ZNF506: variants seen among roughly 807,000 people sequenced by gnomAD.
ZNF506 encodes the protein zinc finger protein 506.
A neutral mutation model predicts 11.6 loss-of-function variants in ZNF506; 10 were observed. The ratio of observed to expected loss-of-function variants is 0.86; its 90% CI spans 0.53 to 1.46. ZNF506 has a LOEUF of 1.46. Ranked by LOEUF, ZNF506 falls within the 40% of genes most tolerant of loss-of-function variation. ZNF506 has a pLI of 0.00. For missense variants in ZNF506, 425 were observed against 521.2 expected (o/e 0.82, Z 1.80); for synonymous variants, 156 against 173.3 (o/e 0.90, Z 0.78).
At chr19:19,799,828 C>A (rs2062775107) in intron 3 of ZNF506, among the ~76,000 whole-genome samples, 1 of 141,036 alleles carries the variant, frequency 7.1e-6, no homozygotes, top group Admixed American at 7.2e-5. Context: ...ACAGCAAATC[C>A]AAAACTATAT....
chr19:19,801,288 C>T (rs1274763794), intron 3 of ZNF506, among the ~76,000 whole-genome samples: 1 of 151,912 alleles, frequency 6.6e-6, no homozygotes, highest in Non-Finnish European at 1.5e-5. Context: ...GTCAGGAGTT[C>T]AAGATCAGCC....
chr19:19,797,107 TTTCAA>T (rs2062748727), intron 3 of ZNF506: 1 of 152,170 alleles, frequency 6.6e-6, no homozygotes, highest in Non-Finnish European at 1.5e-5. Flanking sequence ...ATTATAAAAT[TTTCAA>T]AAGCAACAAT....
chr19:19,812,379 A>T (rs1190468086), intron 1 of ZNF506, among the ~76,000 whole-genome samples: 1 of 152,264 alleles, frequency 6.6e-6, no homozygotes, highest in East Asian at 1.9e-4. Context: ...GTGGAACTCC[A>T]CAACCTGGAT....
Position 19,794,872 on chromosome 19 carries a change from C to G in ZNF506, c.1015G>C (p.Val339Leu). 6.2e-7 allele frequency: 1 copy of G among 1,611,014 alleles called. No homozygotes were observed. The highest frequency in any genetic ancestry group is 1.7e-5 in the Admixed American group (1 of 59,722). ...TKHKRIHTGD[V>L]PYKCDECGKT... ...CCACATTCGTCACATTTGTAGGGTACATCTCCAGTATGAATTCTCTTATGT... is the reference window on the plus strand; with the variant it reads ...CCACATTCGTCACATTTGTAGGGTAGATCTCCAGTATGAATTCTCTTATGT... Residue 339 changes from valine to leucine, a missense_variant, in exon 4 of 4, where the codon GTA becomes CTA. Physicochemically the swap from Val to Leu is conservative, Grantham distance 32 (BLOSUM62 1). Transcript: ENST00000540806.
chr19:19,796,928 AAT>A (rs2062747009), intron 3 of ZNF506: 1 of 152,210 alleles, frequency 6.6e-6, no homozygotes, highest in East Asian at 1.9e-4. Context: ...ACATCCTAAA[AAT>A]ATGTTTGAGA....
At chr19:19,815,892 G>A (rs1334160779) in intron 1 of ZNF506, among the ~76,000 whole-genome samples, 1 of 152,126 alleles carries the variant, frequency 6.6e-6, no homozygotes, top group Non-Finnish European at 1.5e-5. Context: ...ATAAGATGCA[G>A]CCCTGGAAAA....
Position 19,795,312 on chromosome 19 carries a change from TTA to T in ZNF506, c.573_574del (p.Tyr191Ter). 6.2e-7 allele frequency: 1 copy of T among 1,613,962 alleles called. No individual in the cohort carries two copies. Among genetic ancestry groups the T allele is most frequent in the Non-Finnish European group, 8.5e-7 (1 of 1,179,956 alleles). ...GCGTTTCTCTCCAGCATCAATTTTCTTATATGTAGTACGGGTTGAAGACTGGT... is the reference window on the plus strand; with the variant it reads ...GCGTTTCTCTCCAGCATCAATTTTCTTATGTAGTACGGGTTGAAGACTGGT... On this transcript the variant is annotated stop_gained and frameshift_variant, in exon 4 of 4. Coordinates refer to ENST00000540806, the MANE Select transcript of ZNF506 (RefSeq NM_001099269.3). LOFTEE classifies it low-confidence loss of function (END_TRUNC).
chr19:19,796,109 C>T (rs1331782068), intron 3 of ZNF506: 1 of 181,742 alleles, frequency 5.5e-6, no homozygotes, highest in Admixed American at 5.8e-5. Context: ...TGGTGAAACC[C>T]CGTCTCTACA....
At chr19:19,820,764 C>T (rs1435601883) in intron 1 of ZNF506, 1 of 152,246 alleles carries the variant, frequency 6.6e-6, no homozygotes, top group Non-Finnish European at 1.5e-5. Flanking sequence ...TGGTTTTCTT[C>T]ATCATGCATT....
At chr19:19,799,665 T>C (rs1343799908) in intron 3 of ZNF506, among the ~76,000 whole-genome samples, 2 of 152,168 alleles carry the variant, frequency 1.3e-5, no homozygotes, top group East Asian at 1.9e-4. Flanking sequence ...CCCCAGCACT[T>C]TGGGAGGCCG....
At chr19:19,799,873 A>C (rs1599511084) in intron 3 of ZNF506, among the ~76,000 whole-genome samples, 2 of 42,136 alleles carry the variant, frequency 4.7e-5, no homozygotes, top group Admixed American at 4.7e-4. Flanking sequence ...AACAGTCTTC[A>C]AAAAAAAAAA....
At chr19:19,818,500 A>T (rs2062949168) in intron 1 of ZNF506, among the ~76,000 whole-genome samples, 3 of 152,248 alleles carry the variant, frequency 2.0e-5, no homozygotes, top group Admixed American at 2.0e-4. Context: ...TCTTAAAGCT[A>T]AGGCTTAGAA....
At chr19:19,814,454 A>G (rs1309287900) in intron 1 of ZNF506, among the ~76,000 whole-genome samples, 1 of 147,944 alleles carries the variant, frequency 6.8e-6, no homozygotes, top group Non-Finnish European at 1.5e-5. Flanking sequence ...ACAGAAAACC[A>G]AATGCATGTT....
At chr19:19,814,488 T>C (rs1306099088) in intron 1 of ZNF506, among the ~76,000 whole-genome samples, 2 of 151,644 alleles carry the variant, frequency 1.3e-5, no homozygotes, top group Non-Finnish European at 1.5e-5. Flanking sequence ...AAGAGCTAAA[T>C]AATAACAACA....
chr19:19,805,496 C>G (rs1263827648), intron 3 of ZNF506, among the ~76,000 whole-genome samples: 4 of 151,722 alleles, frequency 2.6e-5, no homozygotes, highest in African/African-American at 9.7e-5. Context: ...TAAACTTTGA[C>G]TAGCCAAAGC....
chr19:19,811,684 C>A (rs2062884148), intron 1 of ZNF506, among the ~76,000 whole-genome samples: 1 of 152,048 alleles, frequency 6.6e-6, no homozygotes, highest in South Asian at 2.1e-4. Context: ...CACATGTAAT[C>A]CCAGCTACTC....
At chr19:19,814,040 C>T (rs528120545) in intron 1 of ZNF506, among the ~76,000 whole-genome samples, 1 of 152,098 alleles carries the variant, frequency 6.6e-6, no homozygotes, top group African/African-American at 2.4e-5. Flanking sequence ...TCATGGAGTA[C>T]TCTGTGGCCA....
intron 1 of ZNF506, among the ~76,000 whole-genome samples, chr19:19,808,027 TAA>T (rs1391634943): frequency 4.2e-5 from 6 of 143,352 alleles, no homozygotes; most frequent in African/African-American, 1.6e-4. Flanking sequence ...ATCAGCTGCA[TAA>T]AGATACTTAA....
At chr19:19,799,492 T>G (rs1462776238) in intron 3 of ZNF506, 1 of 647,092 alleles carries the variant, frequency 1.5e-6, no homozygotes, top group Non-Finnish European at 2.7e-6. Flanking sequence ...TTTTTTAAAC[T>G]AAAATTTCAT....
Sources: allele counts gnomAD v4.1 joint callset (sites outside exome capture counted in the v4.1 genomes callset), GRCh38; gene constraint gnomAD v4.1.1; transcripts MANE v1.5; gene names NCBI Gene and HGNC (gene_info 2026-07-23, HGNC 2026-07-21).